RSF1: variants seen among roughly 807,000 people sequenced by gnomAD.
RSF1 encodes remodeling and spacing factor 1.
In RSF1, 13 loss-of-function variants were observed where a neutral mutation model predicts 145.2. That is an observed-to-expected ratio of 0.09 (90% CI 0.06 to 0.14). The LOEUF is 0.14. RSF1 is among the 10% of genes least tolerant of loss of function. The pLI is 1.00. For missense variants in RSF1, 1,517 were observed against 1,718.2 expected (o/e 0.88, Z 2.07); for synonymous variants, 577 against 592.6 (o/e 0.97, Z 0.38).
chr11:77,805,850 G>T (rs1322146760), intron 1 of RSF1, among the ~76,000 whole-genome samples: 2 of 152,024 alleles, frequency 1.3e-5, no homozygotes, highest in African/African-American at 4.8e-5. Flanking sequence ...ACAAACGCTG[G>T]GTCTTTTCAG....
chr11:77,809,525 T>C (rs764562929), intron 1 of RSF1, among the ~76,000 whole-genome samples: 70 of 152,210 alleles, frequency 4.6e-4, no homozygotes, highest in Non-Finnish European at 7.8e-4. Context: ...AGATAGGGTA[T>C]AAAATGAAAA....
intron 1 of RSF1, among the ~76,000 whole-genome samples, chr11:77,808,410 A>C (rs1265983391): frequency 1.3e-5 from 2 of 152,122 alleles, no homozygotes; most frequent in Non-Finnish European, 1.5e-5. Flanking sequence ...GGATTTTCCC[A>C]AGCAATGATG....
At chr11:77,677,294 G>C (rs1194481354) in intron 12 of RSF1, among the ~76,000 whole-genome samples, 1 of 152,078 alleles carries the variant, frequency 6.6e-6, no homozygotes, top group African/African-American at 2.4e-5. Flanking sequence ...GACATTTTTA[G>C]TATAGTCACA....
intron 5 of RSF1, among the ~76,000 whole-genome samples, chr11:77,707,295 A>C (rs891865272): frequency 7.9e-5 from 12 of 152,202 alleles, no homozygotes; most frequent in Non-Finnish European, 1.6e-4. Flanking sequence ...AATAACATCA[A>C]TACTTTTCAT....
the RSF1 span, among the ~76,000 whole-genome samples, chr11:77,858,217 C>G: frequency 5.2e-5 from 7 of 134,426 alleles, no homozygotes; most frequent in Middle Eastern, 4.1e-3. Context: ...TTTTTTGAGA[C>G]AGACTCTTGC....
chr11:77,798,724 C>G (rs969723458), intron 1 of RSF1, among the ~76,000 whole-genome samples: 2 of 145,064 alleles, frequency 1.4e-5, no homozygotes, highest in African/African-American at 5.1e-5. Context: ...TCTCAGCAAA[C>G]TATCACAAGA....
intron 1 of RSF1, among the ~76,000 whole-genome samples, chr11:77,788,507 A>C (rs1377435211): frequency 6.6e-6 from 1 of 151,356 alleles, no homozygotes; most frequent in Non-Finnish European, 1.5e-5. Flanking sequence ...TAAAAAAAAA[A>C]AAAAAAAGAC....
At chr11:77,784,322 T>C (rs1204205856) in intron 1 of RSF1, among the ~76,000 whole-genome samples, 1 of 152,234 alleles carries the variant, frequency 6.6e-6, no homozygotes, top group African/African-American at 2.4e-5. Context: ...TATTATTTTT[T>C]TAATCTCTAG....
chr11:77,780,233 A>T (rs1054178133), intron 1 of RSF1, among the ~76,000 whole-genome samples: 1 of 152,228 alleles, frequency 6.6e-6, no homozygotes, highest in Non-Finnish European at 1.5e-5. Flanking sequence ...TAACTTTTTG[A>T]TAAACATCAA....
intron 5 of RSF1, among the ~76,000 whole-genome samples, chr11:77,704,117 A>G (rs1960486930): frequency 6.6e-6 from 1 of 152,204 alleles, no homozygotes; most frequent in Admixed American, 6.5e-5. Flanking sequence ...AGCATGGTGA[A>G]ACTCTGTCTC....
chr11:77,792,398 T>C (rs982852124), intron 1 of RSF1, among the ~76,000 whole-genome samples: 1 of 152,112 alleles, frequency 6.6e-6, no homozygotes, highest in African/African-American at 2.4e-5. Context: ...CCTACTGGCA[T>C]CTGAGTAGGC....
the RSF1 span, chr11:77,855,449 A>G: frequency 5.6e-6 from 1 of 180,032 alleles, no homozygotes; most frequent in Non-Finnish European, 1.2e-5. Flanking sequence ...CCTCCCAAGT[A>G]GCTGGGACTA....
chr11:77,670,504 C>A (rs1038073676), intron 15 of RSF1, among the ~76,000 whole-genome samples: 1 of 152,010 alleles, frequency 6.6e-6, no homozygotes, highest in Non-Finnish European at 1.5e-5. Flanking sequence ...ATCATATATT[C>A]TACTTATCTA....
At chr11:77,737,250 C>T (rs1961376722) in intron 4 of RSF1, among the ~76,000 whole-genome samples, 1 of 152,036 alleles carries the variant, frequency 6.6e-6, no homozygotes. Context: ...GAGTTCGATA[C>T]CAGCATGGTC....
intron 1 of RSF1, among the ~76,000 whole-genome samples, chr11:77,779,547 TA>T (rs1012278612): frequency 6.6e-6 from 1 of 151,974 alleles, no homozygotes; most frequent in Non-Finnish European, 1.5e-5. Context: ...CACGCCTGGC[TA>T]ATTTTGTAGT....
At chr11:77,859,681 A>G in the RSF1 span, among the ~76,000 whole-genome samples, 3 of 152,330 alleles carry the variant, frequency 2.0e-5, no homozygotes, top group East Asian at 5.8e-4. Flanking sequence ...AACTTCCATC[A>G]GTATACAAGT....
At chr11:77,705,594 A>C (rs1960529198) in intron 5 of RSF1, among the ~76,000 whole-genome samples, 1 of 152,214 alleles carries the variant, frequency 6.6e-6, no homozygotes, top group Non-Finnish European at 1.5e-5. Context: ...TTGCCTCCTC[A>C]AACACCTTAA....
chr11:77,859,808 G>C, the RSF1 span, among the ~76,000 whole-genome samples: 2 of 152,204 alleles, frequency 1.3e-5, no homozygotes, highest in Non-Finnish European at 2.9e-5. Context: ...AAGAAATGTG[G>C]CTGGGTTAAG....
At chr11:77,855,487 CT>C in the RSF1 span, 3 of 195,768 alleles carry the variant, frequency 1.5e-5, no homozygotes, top group Admixed American at 6.0e-5. Context: ...ACCCAGGTAA[CT>C]TTTTCTTTTT....
Sources: allele counts gnomAD v4.1 joint callset (sites outside exome capture counted in the v4.1 genomes callset), GRCh38; gene constraint gnomAD v4.1.1; transcripts MANE v1.5; gene names NCBI Gene and HGNC (gene_info 2026-07-23, HGNC 2026-07-21).